RIN2: variants seen among roughly 807,000 people sequenced by gnomAD.
RIN2 encodes the protein Ras and Rab interactor 2.
Under a neutral mutation model 78.0 loss-of-function variants are expected in RIN2, and 36 were observed. That is an observed-to-expected ratio of 0.46 (90% CI 0.35 to 0.61). The LOEUF is 0.61. RIN2 is among the 20% of genes least tolerant of loss of function. The probability of loss-of-function intolerance (pLI) is 0.00; values close to 1 mark genes in which losing one functional copy is unlikely to be tolerated. For missense variants in RIN2, 1,087 were observed against 1,159.7 expected (o/e 0.94, Z 0.91); for synonymous variants, 466 against 466.8 (o/e 1.00, Z 0.02).
chr20:19,762,108 T>A (rs2033664077), intron 1 of RIN2, among the ~76,000 whole-genome samples: 1 of 152,210 alleles, frequency 6.6e-6, no homozygotes. Flanking sequence ...AGTAAGTAAA[T>A]GTCACTCTCT....
At chr20:19,914,389 C>T (rs2039598906) in intron 3 of RIN2, among the ~76,000 whole-genome samples, 2 of 152,220 alleles carry the variant, frequency 1.3e-5, no homozygotes, top group Non-Finnish European at 2.9e-5. Context: ...TGCACACGCT[C>T]TGCATTGTTC....
intron 3 of RIN2, among the ~76,000 whole-genome samples, chr20:19,895,087 C>A (rs1044099015): frequency 2.6e-5 from 4 of 152,156 alleles, no homozygotes; most frequent in Non-Finnish European, 5.9e-5. Context: ...CCCAACCACC[C>A]TTCCAGGCTT....
chr20:19,882,660 TGAAG>T (rs2038059821), intron 2 of RIN2, among the ~76,000 whole-genome samples: 1 of 152,186 alleles, frequency 6.6e-6, no homozygotes, highest in African/African-American at 2.4e-5. Flanking sequence ...CTGTATTGCA[TGAAG>T]TTACTGCACA....
rs535139426 is a variant in RIN2 at position 19,784,314 on chromosome 20, A to C, written c.-162-15308A>C. On this transcript the variant is annotated intron_variant, in intron 1 of 12. Coordinates refer to ENST00000255006, the MANE Select transcript of RIN2 (RefSeq NM_018993.4). ...CTATAGTGGTCAGAAAGGAATTTAA[A>C]CAATTATGTGTGTGTGTGTGTATGT... Among the ~76,000 whole-genome samples, 31 of 151,886 alleles carry C rather than the reference A, an allele frequency of 2.0e-4. No individual in the cohort carries two copies. In the East Asian group the frequency reaches 5.7e-3, roughly 28 times the overall value.
chr20:19,938,034 C>A (rs1253018890), intron 4 of RIN2, among the ~76,000 whole-genome samples: 2 of 152,178 alleles, frequency 1.3e-5, no homozygotes, highest in Non-Finnish European at 2.9e-5. Context: ...GGTCCATCTG[C>A]CCTCCTTTTT....
chr20:19,790,632 A>C (rs68027979), intron 1 of RIN2, among the ~76,000 whole-genome samples: 1 of 152,002 alleles, frequency 6.6e-6, no homozygotes, highest in Non-Finnish European at 1.5e-5. Flanking sequence ...CCAGCAGTAA[A>C]AAAATTAATA....
intron 3 of RIN2, 111 bp from the exon 4 acceptor site, chr20:19,934,988 A>T (rs958368826): frequency 1.1e-5 from 7 of 643,622 alleles, no homozygotes; most frequent in Non-Finnish European, 1.8e-5. Flanking sequence ...AAAAAGAAAT[A>T]GAAAAAGATG....
intron 9 of RIN2, among the ~76,000 whole-genome samples, chr20:19,986,696 T>C (rs999297417): frequency 1.3e-5 from 2 of 152,216 alleles, no homozygotes; most frequent in African/African-American, 4.8e-5. Flanking sequence ...ATTAACACTC[T>C]GGCCCAGAGG....
intron 2 of RIN2, among the ~76,000 whole-genome samples, chr20:19,814,379 AC>A (rs1025599587): frequency 8.6e-6 from 1 of 116,784 alleles, no homozygotes; most frequent in African/African-American, 3.0e-5. Flanking sequence ...CCCTCCTCCC[AC>A]CCCCTCCCCA....
At chr20:19,994,934 G>C (rs770564961) in intron 11 of RIN2, among the ~76,000 whole-genome samples, 4 of 152,154 alleles carry the variant, frequency 2.6e-5, no homozygotes, top group Non-Finnish European at 5.9e-5. Context: ...TCAATGGAAA[G>C]TGCATGGCTC....
intron 12 of RIN2, 62 bp from the exon 13 acceptor site, chr20:20,000,551 C>T: frequency 7.5e-7 from 1 of 1,337,576 alleles, no homozygotes; most frequent in East Asian, 2.3e-5. Flanking sequence ...CCCTGGTCCC[C>T]CATCATGCTC....
chr20:19,946,206 A>G (rs2041083007), intron 4 of RIN2, among the ~76,000 whole-genome samples: 1 of 152,134 alleles, frequency 6.6e-6, no homozygotes, highest in African/African-American at 2.4e-5. Context: ...AAGTCTGACC[A>G]GAGTGGAATG....
chr20:19,854,191 G>T (rs1046158198), intron 2 of RIN2, among the ~76,000 whole-genome samples: 2 of 152,168 alleles, frequency 1.3e-5, no homozygotes, highest in African/African-American at 4.8e-5. Flanking sequence ...GATGGTTGTA[G>T]ATGTGTGGTA....
chr20:20,001,779 T>C lies in RIN2; in HGVS notation c.*843T>C, dbSNP rs983266581. On this transcript the variant is annotated 3_prime_UTR_variant, in exon 13 of 13. Transcript: ENST00000255006. ...GGAGAGAAATGAATGTAGAGAGAGG[T>C]AGAGAGAGAAATATGAACTCTAACA... 6.6e-6 allele frequency: 1 copy of C among 152,412 alleles called. No homozygotes were observed. Among genetic ancestry groups the C allele is most frequent in the Admixed American group, 6.6e-5 (1 of 15,252 alleles). The allele number at this position is 152,412 out of a possible 1,614,324, so 9.4% of individuals were successfully genotyped here. A position where few individuals can be genotyped will look rare whatever the true frequency, so the allele number is the denominator to read the frequency against.
At chr20:19,849,458 G>A (rs1234788294) in intron 2 of RIN2, among the ~76,000 whole-genome samples, 4 of 152,186 alleles carry the variant, frequency 2.6e-5, no homozygotes, top group South Asian at 2.1e-4. Context: ...CGAGAGCATC[G>A]TTCTACCCCG....
At chr20:19,890,281 T>G (rs2038388115) in intron 3 of RIN2, among the ~76,000 whole-genome samples, 1 of 152,204 alleles carries the variant, frequency 6.6e-6, no homozygotes, top group Admixed American at 6.5e-5. Flanking sequence ...GGGTGTTTTA[T>G]GTACTCTGTG....
intron 9 of RIN2, among the ~76,000 whole-genome samples, chr20:19,987,454 A>G (rs1240766004): frequency 3.3e-5 from 5 of 152,228 alleles, no homozygotes; most frequent in Non-Finnish European, 7.3e-5. Flanking sequence ...ATTTACTTTG[A>G]AAAGCTGTAT....
At chr20:19,805,242 C>T (rs910367629) in intron 2 of RIN2, among the ~76,000 whole-genome samples, 26 of 152,068 alleles carry the variant, frequency 1.7e-4, no homozygotes, top group African/African-American at 3.6e-4. Flanking sequence ...GAGTGGCATA[C>T]GGAGGGCAAA....
chr20:19,841,310 T>C (rs2036569671), intron 2 of RIN2, among the ~76,000 whole-genome samples: 1 of 152,026 alleles, frequency 6.6e-6, no homozygotes, highest in Admixed American at 6.5e-5. Context: ...GACTTTACTG[T>C]GATTTTTTTG....
Sources: allele counts gnomAD v4.1 joint callset (sites outside exome capture counted in the v4.1 genomes callset), GRCh38; gene constraint gnomAD v4.1.1; transcripts MANE v1.5; gene names NCBI Gene and HGNC (gene_info 2026-07-23, HGNC 2026-07-21).